NMRK1: variants seen among roughly 807,000 people sequenced by gnomAD.
NMRK1 encodes nicotinamide riboside kinase 1.
A neutral mutation model predicts 29.9 loss-of-function variants in NMRK1; 28 were observed. The ratio of observed to expected loss-of-function variants is 0.94; its 90% CI spans 0.69 to 1.28. The LOEUF (loss-of-function observed/expected upper bound fraction) is 1.28. Among genes scored for constraint, NMRK1 ranks in the 50% most tolerant of loss-of-function variants. NMRK1 has a pLI of 0.00. For synonymous variants in NMRK1, 58 were observed against 73.0 expected, an observed-to-expected ratio of 0.79 and a Z score of 1.05; for missense variants, 218 against 233.1, an observed-to-expected ratio of 0.94 and a Z score of 0.42.
At chr9:75,082,280 A>G (rs1482918172) in intron 2 of NMRK1, among the ~76,000 whole-genome samples, 1 of 152,174 alleles carries the variant, frequency 6.6e-6, no homozygotes, top group Non-Finnish European at 1.5e-5. Context: ...GCAGAGAAAA[A>G]CTGAACTTTT....
At chr9:75,063,338 C>T (rs954814035) in intron 8 of NMRK1, among the ~76,000 whole-genome samples, 15 of 149,106 alleles carry the variant, frequency 1.0e-4, no homozygotes, top group African/African-American at 3.7e-4. Context: ...AAAAAGACTC[C>T]ATATGAGAAA....
At chr9:75,076,823 G>A (rs1245377891) in intron 4 of NMRK1, among the ~76,000 whole-genome samples, 3 of 152,108 alleles carry the variant, frequency 2.0e-5, no homozygotes, top group Non-Finnish European at 4.4e-5. Context: ...AAACTCCTGA[G>A]CTTAAGTGAT....
intron 8 of NMRK1, among the ~76,000 whole-genome samples, chr9:75,064,010 G>A (rs191846041): frequency 1.3e-4 from 20 of 152,014 alleles, no homozygotes; most frequent in Admixed American, 4.6e-4. Flanking sequence ...AAATGGCATA[G>A]CTAAATACTT....
intron 2 of NMRK1, 91 bp downstream of exon 2, chr9:75,082,996 A>T: frequency 1.1e-6 from 1 of 924,744 alleles, no homozygotes; most frequent in Non-Finnish European, 1.8e-6. Flanking sequence ...TGGAATCCTC[A>T]CTGCTTCTCC....
intron 7 of NMRK1, chr9:75,067,062 T>C: frequency 2.6e-6 from 1 of 381,994 alleles, no homozygotes; most frequent in Non-Finnish European, 4.7e-6. Context: ...CACACTGGCT[T>C]ATGTGAAAAT....
chr9:75,069,466 A>C (rs927069280), intron 6 of NMRK1: 1 of 484,700 alleles, frequency 2.1e-6, no homozygotes, highest in African/African-American at 2.0e-5. Context: ...GCTCACTTAC[A>C]TTAAAATCCT....
At chr9:75,069,297 A>G in intron 6 of NMRK1, 195 bp from the exon 7 acceptor site, 1 of 549,350 alleles carries the variant, frequency 1.8e-6, no homozygotes, top group Non-Finnish European at 3.2e-6. Context: ...TATTAAAATT[A>G]ACTTTGTAAT....
intron 4 of NMRK1, among the ~76,000 whole-genome samples, chr9:75,072,804 C>A (rs1823772863): frequency 6.6e-6 from 1 of 152,100 alleles, no homozygotes; most frequent in Non-Finnish European, 1.5e-5. Flanking sequence ...TGTATTAGGA[C>A]TTACTCCATG....
intron 8 of NMRK1, chr9:75,066,341 T>C: frequency 2.0e-6 from 1 of 491,356 alleles, no homozygotes; most frequent in Admixed American, 2.2e-5. Context: ...ATCTTTTGTT[T>C]ATCTTTGAGG....
intron 8 of NMRK1, among the ~76,000 whole-genome samples, chr9:75,064,481 G>A (rs770484088): frequency 1.6e-4 from 24 of 152,172 alleles, no homozygotes; most frequent in Non-Finnish European, 3.1e-4. Flanking sequence ...GGTGCTCTGA[G>A]ATTCATTATG....
chr9:75,073,353 T>G (rs1823808241), intron 4 of NMRK1, among the ~76,000 whole-genome samples: 1 of 152,180 alleles, frequency 6.6e-6, no homozygotes. Flanking sequence ...GCCTCTTGAA[T>G]TGTGAGACAA....
At chr9:75,066,498 A>G (rs573106728) in intron 8 of NMRK1, among the ~76,000 whole-genome samples, 1 of 152,290 alleles carries the variant, frequency 6.6e-6, no homozygotes, top group African/African-American at 2.4e-5. Flanking sequence ...CCATCTACTA[A>G]AAGTTTTAAA....
At chr9:75,078,427 T>C (rs1824133625) in intron 2 of NMRK1, 1 of 1,547,106 alleles carries the variant, frequency 6.5e-7, no homozygotes, top group South Asian at 1.2e-5. Flanking sequence ...AGGCCAGTTA[T>C]TTGTCTCTTC....
At chr9:75,086,625 T>A (rs563850844) in intron 1 of NMRK1, among the ~76,000 whole-genome samples, 14 of 152,378 alleles carry the variant, frequency 9.2e-5, no homozygotes, top group South Asian at 4.1e-4. Flanking sequence ...AACTGCAGAA[T>A]GGTCAGAAGT....
At chr9:75,076,589 T>C in intron 4 of NMRK1, among the ~76,000 whole-genome samples, 1 of 152,234 alleles carries the variant, frequency 6.6e-6, no homozygotes. Context: ...ATTATTTCAT[T>C]TTAAAAAATA....
intron 8 of NMRK1, among the ~76,000 whole-genome samples, chr9:75,063,722 C>T (rs958961231): frequency 6.6e-6 from 1 of 152,080 alleles, no homozygotes; most frequent in Non-Finnish European, 1.5e-5. Flanking sequence ...GAAGATTAGT[C>T]ACTAGAAACA....
At chr9:75,082,205 A>G (rs896487276) in intron 2 of NMRK1, among the ~76,000 whole-genome samples, 2 of 152,194 alleles carry the variant, frequency 1.3e-5, no homozygotes, top group African/African-American at 4.8e-5. Flanking sequence ...GGACTAGGGA[A>G]TGACAGCCTG....
At chr9:75,075,502 T>A (rs911743465) in intron 4 of NMRK1, among the ~76,000 whole-genome samples, 17 of 152,238 alleles carry the variant, frequency 1.1e-4, no homozygotes, top group Non-Finnish European at 2.2e-4. Context: ...GAGAACATTA[T>A]GACTTTTTAA....
intron 8 of NMRK1, among the ~76,000 whole-genome samples, 156 bp downstream of exon 8, chr9:75,066,601 C>CAA (rs1564125651): frequency 4.1e-4 from 62 of 152,254 alleles, no homozygotes; most frequent in African/African-American, 1.5e-3. Context: ...CAAACCCCCC[C>CAA]CCAGAATTTC....
Sources: allele counts gnomAD v4.1 joint callset (sites outside exome capture counted in the v4.1 genomes callset), GRCh38; gene constraint gnomAD v4.1.1; transcripts MANE v1.5; gene names NCBI Gene and HGNC (gene_info 2026-07-23, HGNC 2026-07-21).